The following MUC5B variants were observed in gnomAD, a reference collection of about 807,000 sequenced individuals.
MUC5B encodes the protein mucin-5B.
MUC5B carries 116 observed loss-of-function variants against 376.9 expected under a neutral mutation model. The observed-to-expected ratio is 0.31, with a 90% CI of 0.26 to 0.36. MUC5B has a LOEUF of 0.36. Among genes scored for constraint, MUC5B ranks in the 10% least tolerant of loss-of-function variants. The pLI is 1.00. For missense variants in MUC5B, 7,165 were observed against 7,769.9 expected (o/e 0.92, Z 2.93); for synonymous variants, 3,517 against 3,390.9 (o/e 1.04, Z -1.29).
rs767539584 is a variant in MUC5B, at chr11:1,244,781, T to A, written c.7901T>A (p.Ile2634Asn). The change falls in exon 31 of 49, where the codon ATC becomes AAC. Residue 2634 changes from isoleucine (I) to asparagine (N), a missense_variant. By Grantham distance (149) the Ile-to-Asn change is moderately radical. Transcript: ENST00000529681. ...PGTARTLPVWISTTTTPTTRG... is the reference protein window; with the variant it reads ...PGTARTLPVWNSTTTTPTTRG... Reference sequence around the variant, plus strand: ...ACGGCACGCACGCTTCCAGTGTGGATCAGCACAACCACCACACCCACAACC... The same window carrying A: ...ACGGCACGCACGCTTCCAGTGTGGAACAGCACAACCACCACACCCACAACC... 1.2e-6 allele frequency: 2 copies of A among 1,611,710 alleles called. No individual in the cohort carries two copies. The highest frequency in any genetic ancestry group is 1.7e-6 in the Non-Finnish European group (2 of 1,178,826).
Position 1,250,823 on chromosome 11 carries a change from C to A in MUC5B, c.13943C>A (p.Thr4648Asn). 1 of 1,613,308 alleles carries A rather than the reference C, an allele frequency of 6.2e-7. No individual in the cohort carries two copies. Among genetic ancestry groups the A allele is most frequent in the Non-Finnish European group, 8.5e-7 (1 of 1,179,592 alleles). ...TCCTCCATCCCGGGGACCACCCACA[C>A]CGCCAGAGTGCTGACCACCACCACC... ...TPSSIPGTTH[T>N]ARVLTTTTTT... The change falls in exon 31 of 49, where the codon ACC becomes AAC. Residue 4648 changes from threonine to asparagine, a missense_variant. Thr to Asn is a moderately conservative substitution (Grantham distance 65). This residue lies in a region of MUC5B where 730 missense variants were observed against 592.7 expected (regional missense o/e 1.23). Coordinates refer to ENST00000529681, the MANE Select transcript of MUC5B (RefSeq NM_002458.3).
rs1862902940 is a variant in MUC5B at position 1,258,398 on chromosome 11, C to T, written c.16593+31C>T. 2 of 1,610,108 alleles carry T rather than the reference C, an allele frequency of 1.2e-6. No individual in the cohort carries two copies. Among genetic ancestry groups the T allele is most frequent in the Non-Finnish European group, 1.7e-6 (2 of 1,178,598 alleles). On this transcript the variant is annotated intron_variant, in intron 43 of 48. Coordinates refer to ENST00000529681, the MANE Select transcript of MUC5B (RefSeq NM_002458.3). The surrounding 1 kb of genome is among the most constrained non-coding windows in gnomAD (Gnocchi z 5.5). ...GGCACAGCAGTGGGTGGGTGTGGCC[C>T]TGGGGCCTGAACATGTGTGTGGGAT...
In MUC5B at chr11:1,247,469, C is replaced by G. The variant is rs571228339; in HGVS notation, c.10589C>G (p.Pro3530Arg). ...ESPPSPGTTT[P>R]GHTRGTSRTT... is the part of the protein sequence containing the mutation. Reference sequence around the variant, plus strand: ...CCCCCTTCTCCAGGGACGACCACCCCGGGCCACACCAGGGGCACCTCCAGG... The same window carrying G: ...CCCCCTTCTCCAGGGACGACCACCCGGGGCCACACCAGGGGCACCTCCAGG... The change falls in exon 31 of 49, where the codon CCG becomes CGG. Residue 3530 changes from proline to arginine, a missense_variant. Transcript: ENST00000529681. 6.2e-7 allele frequency: 1 copy of G among 1,608,340 alleles called. No individual in the cohort carries two copies. The highest frequency in any genetic ancestry group is 8.5e-7 in the Non-Finnish European group (1 of 1,177,760).
rs1862758027 is a variant in MUC5B at position 1,253,562 on chromosome 11, A to G, written c.15218-530A>G. On this transcript the variant is annotated intron_variant, in intron 33 of 48. Transcript: ENST00000529681. The surrounding 1 kb of genome is among the most constrained non-coding windows in gnomAD (Gnocchi z 4.3). ...AACCGCCACAAGCTGGGGAGCTTAT[A>G]CAACAGAAACCCACTCTCCGTCCTG... 6.6e-6 allele frequency among the ~76,000 whole-genome samples: 1 copy of G among 152,166 alleles called. No homozygotes were observed. The highest frequency in any genetic ancestry group is 6.5e-5 in the Admixed American group (1 of 15,284).
chr11:1,246,069 T>G lies in MUC5B; in HGVS notation c.9189T>G (p.Ala3063=). The change falls in exon 31 of 49, where the codon GCT becomes GCG. Residue 3063 remains alanine (A), a synonymous_variant. Coordinates refer to ENST00000529681, the MANE Select transcript of MUC5B (RefSeq NM_002458.3). ...CAAGCACAGCCACCAAATCCACAGC[T>G]ACCAGCTTTACACCCATCCCCTCCT... ...VLTSTATKST[A]TSFTPIPSFT... is the part of the protein sequence containing the mutation. 1.2e-6 allele frequency: 2 copies of G among 1,611,772 alleles called. No individual in the cohort carries two copies. The highest frequency in any genetic ancestry group is 1.7e-6 in the Non-Finnish European group (2 of 1,179,336).
In MUC5B at chr11:1,233,166, T is replaced by A; in HGVS notation, c.2219T>A (p.Leu740His). Reference sequence around the variant, plus strand: ...TGCACCTGCCCCGCGGGCACCTTCCTCAATGACGCGGGCGCCTGTGTGCCC... The same window carrying A: ...TGCACCTGCCCCGCGGGCACCTTCCACAATGACGCGGGCGCCTGTGTGCCC... Reference protein sequence around the residue: ...DGCTCPAGTFLNDAGACVPAQ... With the variant: ...DGCTCPAGTFHNDAGACVPAQ... Residue 740 changes from leucine to histidine, a missense_variant, in exon 18 of 49, where the codon CTC (leucine) becomes CAC (histidine). Leu to His is a moderately conservative substitution (Grantham distance 99, BLOSUM62 -3). This residue lies in a region of MUC5B where 530 missense variants were observed against 604.0 expected (regional missense o/e 0.88). Transcript: ENST00000529681. 2 of 1,606,064 alleles carry A rather than the reference T, an allele frequency of 1.2e-6. No individual in the cohort carries two copies. Among genetic ancestry groups the A allele is most frequent in the Non-Finnish European group, 1.7e-6 (2 of 1,179,148 alleles).
At position 1,247,102 on chromosome 11, in the gene MUC5B, T is replaced by C. The variant is rs759228034; in HGVS notation, c.10222T>C (p.Ser3408Pro). The change falls in exon 31 of 49, where the codon TCA (serine) becomes CCA (proline). Residue 3408 changes from serine to proline, a missense_variant. Coordinates refer to ENST00000529681, the MANE Select transcript of MUC5B (RefSeq NM_002458.3). Reference protein sequence around the residue: ...TATGSTTNPSSTPGTTPIPPV... With the variant: ...TATGSTTNPSPTPGTTPIPPV... The stretch of plus-strand genomic sequence containing the variant: ...CACCGGCTCCACCACCAACCCCTCC[T>C]CAACTCCAGGGACAACTCCCATCCC... The C allele has an allele frequency of 2.2e-5, 34 of 1,562,192 alleles. No homozygotes were observed. The African/African-American group carries it at 4.3e-4, about 20-fold the overall frequency.
In MUC5B at chr11:1,256,144, CTG is replaced by C. The variant is rs756101903; in HGVS notation, c.16067-9_16067-8del. 15 of 726,318 alleles carry C rather than the reference CTG, an allele frequency of 2.1e-5. No homozygotes were observed. In the East Asian group the frequency reaches 3.5e-4, roughly 17 times the overall value. 45.0% of individuals were successfully genotyped at this position (726,318 alleles called of 1,614,324 possible). On this transcript the variant is annotated splice_polypyrimidine_tract_variant and intron_variant, in intron 37 of 48. Transcript: ENST00000529681. Reference sequence around the variant, plus strand: ...ACCCCTTGGCTTGTCTGACACCTCTCTGTGCCCACAGACCTCACCTGCCCACC... The same window carrying C: ...ACCCCTTGGCTTGTCTGACACCTCTCTGCCCACAGACCTCACCTGCCCACC...
In MUC5B at chr11:1,259,021, A is replaced by G. The variant is rs1431157043; in HGVS notation, c.16673A>G (p.Gln5558Arg). The part of the protein sequence containing the change: ...LSGDTQDPTV[Q>R]CQEDACNNTT... ...GGGGACACCCAGGACCCAACGGTGC[A>G]ATGTCAGGAGGATGCCTGCAACAAT... is the stretch of plus-strand genomic sequence containing the variant. The change falls in exon 44 of 49, where the codon CAA (glutamine) becomes CGA (arginine). Residue 5558 changes from glutamine (Q) to arginine (R), a missense_variant. Gln to Arg is a conservative substitution (Grantham distance 43). Transcript: ENST00000529681. 1.3e-6 allele frequency: 2 copies of G among 1,558,700 alleles called. No homozygotes were observed. The highest frequency in any genetic ancestry group is 2.4e-5 in the East Asian group (1 of 41,386).
chr11:1,258,948 G>A lies in MUC5B; in HGVS notation c.16600G>A (p.Ala5534Thr). The change falls in exon 44 of 49, where the codon GCA becomes ACA. Residue 5534 changes from alanine to threonine, a missense_variant. Coordinates refer to ENST00000529681, the MANE Select transcript of MUC5B (RefSeq NM_002458.3). This position sits in a 1 kb window ranked among gnomAD's most constrained non-coding sequence, Gnocchi z 5.5. ...SYNGTFYGVGATFPGALPCHM... is the reference protein window; with the variant it reads ...SYNGTFYGVGTTFPGALPCHM... ...ACCCTCCCACCCCTTGCAGGTTGGTGCAACCTTCCCAGGCGCCCTTCCCTG... is the reference window on the plus strand; with the variant it reads ...ACCCTCCCACCCCTTGCAGGTTGGTACAACCTTCCCAGGCGCCCTTCCCTG... 1 of 1,551,166 alleles carries A rather than the reference G, an allele frequency of 6.4e-7. No individual in the cohort carries two copies. Among genetic ancestry groups the A allele is most frequent in the Non-Finnish European group, 8.7e-7 (1 of 1,147,636 alleles).
Position 1,245,328 on chromosome 11 carries a change from C to A in MUC5B, c.8448C>A (p.Ser2816Arg). ...TPALSSPHPS[S>R]RTTESPPSPG... Reference sequence around the variant, plus strand: ...CCCTGTCCAGCCCTCACCCTAGCAGCAGGACCACCGAGTCACCCCCTTCTC... The same window carrying A: ...CCCTGTCCAGCCCTCACCCTAGCAGAAGGACCACCGAGTCACCCCCTTCTC... Residue 2816 changes from serine to arginine, a missense_variant, in exon 31 of 49, where the codon AGC (serine) becomes AGA (arginine). Ser to Arg is a moderately radical substitution (Grantham distance 110). Around this residue, in one of 31 missense-constraint regions of MUC5B, gnomAD observed 50 missense variants for 66.4 expected, o/e 0.75. Transcript: ENST00000529681. 9.4e-6 allele frequency: 15 copies of A among 1,596,390 alleles called. 2 individuals carry two copies. The highest frequency in any genetic ancestry group is 1.3e-5 in the Non-Finnish European group (15 of 1,172,214).
chr11:1,250,087 G>T lies in MUC5B; in HGVS notation c.13207G>T (p.Ala4403Ser), dbSNP rs759453737. The T allele has an allele frequency of 1.3e-6, 2 of 1,594,720 alleles. No individual in the cohort carries two copies. The highest frequency in any genetic ancestry group is 1.7e-5 in the Admixed American group (1 of 58,446). ...GCTGACCACAGCAGCCACTACAACT[G>T]CAGCCACTGGCCCCACGGCCACCCC... is the stretch of plus-strand genomic sequence containing the variant. Reference protein sequence around the residue: ...TELTTAATTTAATGPTATPSS... With the variant: ...TELTTAATTTSATGPTATPSS... Residue 4403 changes from alanine (A) to serine (S), a missense_variant, in exon 31 of 49, where the codon GCA (alanine) becomes TCA (serine). Physicochemically the swap from Ala to Ser is moderately conservative, Grantham distance 99. Around this residue, in one of 31 missense-constraint regions of MUC5B, gnomAD observed 431 missense variants for 390.4 expected, o/e 1.10. Transcript: ENST00000529681.
chr11:1,229,003 T>A (rs1861959951), intron 8 of MUC5B, among the ~76,000 whole-genome samples, 167 bp from the exon 9 acceptor site: 1 of 150,076 alleles, frequency 6.7e-6, no homozygotes, highest in African/African-American at 2.5e-5. Context: ...GGGCTGGGGC[T>A]GGAGGGTGGA....
chr11:1,255,144 A>G lies in MUC5B; in HGVS notation c.15768A>G (p.Arg5256=). ...AGACGTGGCTGGTCCCCGACAGCAG[A>G]AAGGATGGCTGCTGGGCCCCGACTG... The part of the protein sequence containing the change: ...MAKTWLVPDS[R]KDGCWAPTGT... Residue 5256 remains arginine (R), a synonymous_variant, in exon 36 of 49, where the codon AGA becomes AGG. Transcript: ENST00000529681. 6.4e-7 allele frequency: 1 copy of G among 1,573,248 alleles called. No individual in the cohort carries two copies. The highest frequency in any genetic ancestry group is 8.6e-7 in the Non-Finnish European group (1 of 1,160,752).
chr11:1,239,819 C>T lies in MUC5B; in HGVS notation c.3604C>T (p.Pro1202Ser), dbSNP rs1197134434. ...GLEGCYPKCP[P>S]SQPFFNEDQM... ...CCTAGGCTGCTACCCGAAGTGCCCA[C>T]CCAGCCAGCCCTTCTTCAATGAGGA... The change falls in exon 28 of 49, where the codon CCC becomes TCC. Residue 1202 changes from proline (P) to serine (S), a missense_variant. Pro to Ser is a moderately conservative substitution (Grantham distance 74, BLOSUM62 -1). Around this residue, in one of 31 missense-constraint regions of MUC5B, gnomAD observed 517 missense variants for 545.3 expected, o/e 0.95. Coordinates refer to ENST00000529681, the MANE Select transcript of MUC5B (RefSeq NM_002458.3). 3.1e-6 allele frequency: 5 copies of T among 1,611,802 alleles called. No individual in the cohort carries two copies. The highest frequency in any genetic ancestry group is 4.2e-6 in the Non-Finnish European group (5 of 1,179,148).
At position 1,234,663 on chromosome 11, in the gene MUC5B, G is replaced by T; in HGVS notation, c.2613G>T (p.Arg871Ser). ...EATYKPGETI[R>S]VDCNTCTCRN... ...CCTACAAGCCTGGAGAGACCATCAG[G>T]GTCGACTGCAACACCTGGTGGGTCG... Residue 871 changes from arginine (R) to serine (S), a missense_variant, in exon 21 of 49, where the codon AGG (arginine) becomes AGT (serine). Arg to Ser is a moderately radical substitution (Grantham distance 110, BLOSUM62 -1). Around this residue, in one of 31 missense-constraint regions of MUC5B, gnomAD observed 530 missense variants for 604.0 expected, o/e 0.88. Transcript: ENST00000529681. This position sits in a 1 kb window ranked among gnomAD's most constrained non-coding sequence, Gnocchi z 6.3. 1 of 1,545,172 alleles carries T rather than the reference G, an allele frequency of 6.5e-7. No individual in the cohort carries two copies. Among genetic ancestry groups the T allele is most frequent in the Non-Finnish European group, 8.7e-7 (1 of 1,144,114 alleles).
rs1407304209 is a variant in MUC5B at position 1,247,930 on chromosome 11, T to C, written c.11050T>C (p.Ser3684Pro). 2 of 1,611,038 alleles carry C rather than the reference T, an allele frequency of 1.2e-6. No individual in the cohort carries two copies. Among genetic ancestry groups the C allele is most frequent in the East Asian group, 2.2e-5 (1 of 44,856 alleles). Residue 3684 changes from serine to proline, a missense_variant, in exon 31 of 49, where the codon TCC becomes CCC. Ser to Pro is a moderately conservative substitution (Grantham distance 74, BLOSUM62 -1). This residue lies in a region of MUC5B where 90 missense variants were observed against 71.1 expected (regional missense o/e 1.27). Transcript: ENST00000529681. ...TPATSSTATP[S>P]STPGTTWILT... The stretch of plus-strand genomic sequence containing the variant: ...GGCCACCAGCTCTACGGCCACGCCC[T>C]CCTCAACTCCGGGGACGACCTGGAT...
In MUC5B at chr11:1,258,730, C is replaced by G. The variant is rs1862914509; in HGVS notation, c.16594-212C>G. On this transcript the variant is annotated intron_variant, in intron 43 of 48. Coordinates refer to ENST00000529681, the MANE Select transcript of MUC5B (RefSeq NM_002458.3). The surrounding 1 kb of genome is among the most constrained non-coding windows in gnomAD (Gnocchi z 5.5). Reference sequence around the variant, plus strand: ...CTCTGCCCACCCAGATTCCTGCCCACATGGGGTCTCTGCCTGCCCAGATTC... The same window carrying G: ...CTCTGCCCACCCAGATTCCTGCCCAGATGGGGTCTCTGCCTGCCCAGATTC... 6.6e-6 allele frequency among the ~76,000 whole-genome samples: 1 copy of G among 152,036 alleles called. No individual in the cohort carries two copies. The highest frequency in any genetic ancestry group is 6.5e-5 in the Admixed American group (1 of 15,272).
At position 1,257,415 on chromosome 11, in the gene MUC5B, C is replaced by T. The variant is rs1400496137; in HGVS notation, c.16270-115C>T. ...CCAGTGGCTGGTGTGCGCTTCCTGC[C>T]CCATCACTCTGGGCCACTCGGGTAC... On this transcript the variant is annotated intron_variant, in intron 40 of 48. Transcript: ENST00000529681. The surrounding 1 kb of genome is among the most constrained non-coding windows in gnomAD (Gnocchi z 8.9). The T allele has an allele frequency of 1.6e-6, 2 of 1,285,418 alleles. No homozygotes were observed. Among genetic ancestry groups the T allele is most frequent in the Non-Finnish European group, 2.2e-6 (2 of 906,724 alleles). The allele number at this position is 1,285,418 out of a possible 1,614,324, so 79.6% of individuals were successfully genotyped here. A position where few individuals can be genotyped will look rare whatever the true frequency, so the allele number is the denominator to read the frequency against.
Sources: gnomAD v4.1 joint callset for allele counts (sites outside exome capture counted in the v4.1 genomes callset) on GRCh38, gnomAD v4.1.1 for gene constraint, gnomAD v4.1.1 regional missense constraint, Gnocchi (gnomAD v3.1) non-coding constraint, MANE v1.5 for transcripts, NCBI Gene and HGNC (gene_info 2026-07-23, HGNC 2026-07-21) for gene names.